Variants in CPNE4 observed in about 807,000 individuals in gnomAD.
CPNE4 encodes the protein copine 4, also known as copine-4.
In CPNE4, 25 loss-of-function variants were observed where a neutral mutation model predicts 67.9. That is an observed-to-expected ratio of 0.37 (90% CI 0.27 to 0.51). The LOEUF (loss-of-function observed/expected upper bound fraction) is 0.51, where lower values mean the gene tolerates loss of function less well. CPNE4 is among the 20% of genes least tolerant of loss of function. CPNE4 has a pLI of 0.93. For missense variants in CPNE4, 464 were observed against 690.8 expected (o/e 0.67, Z 3.68); for synonymous variants, 242 against 244.9 (o/e 0.99, Z 0.11).
At chr3:131,836,408 C>G (rs2085558607) in intron 2 of CPNE4, among the ~76,000 whole-genome samples, 1 of 152,108 alleles carries the variant, frequency 6.6e-6, no homozygotes, top group South Asian at 2.1e-4. Context: ...ATTTAACACC[C>G]ATTTGTGCTA....
intron 2 of CPNE4, among the ~76,000 whole-genome samples, chr3:131,783,866 G>A (rs1268785113): frequency 6.6e-6 from 1 of 151,750 alleles, no homozygotes; most frequent in Non-Finnish European, 1.5e-5. Context: ...CAAGAGAGCT[G>A]AGTCCAGTGA....
intron 1 of CPNE4, among the ~76,000 whole-genome samples, chr3:131,960,650 C>T (rs2072139838): frequency 6.6e-6 from 1 of 152,174 alleles, no homozygotes; most frequent in Non-Finnish European, 1.5e-5. Context: ...GTCCTGCATG[C>T]TGATGAAACT....
chr3:131,966,666 A>C (rs2072358028), intron 1 of CPNE4, among the ~76,000 whole-genome samples: 1 of 152,162 alleles, frequency 6.6e-6, no homozygotes, highest in Non-Finnish European at 1.5e-5. Context: ...CCCAAGACTA[A>C]ACCAGGAAGA....
At chr3:131,752,062 G>C (rs1364171558) in intron 2 of CPNE4, among the ~76,000 whole-genome samples, 1 of 152,130 alleles carries the variant, frequency 6.6e-6, no homozygotes, top group Admixed American at 6.6e-5. Context: ...CGTGGGGGAA[G>C]GATGCCTTGT....
At chr3:131,938,492 C>T (rs1431765060) in intron 1 of CPNE4, among the ~76,000 whole-genome samples, 3 of 152,048 alleles carry the variant, frequency 2.0e-5, no homozygotes, top group Admixed American at 2.0e-4. Context: ...TATAAAGATA[C>T]TACCTGAGAC....
intron 2 of CPNE4, among the ~76,000 whole-genome samples, chr3:131,848,992 A>T (rs1234368805): frequency 6.8e-6 from 1 of 147,642 alleles, no homozygotes; most frequent in Non-Finnish European, 1.5e-5. Context: ...ACACAGAGAT[A>T]TCATCCACCT....
chr3:131,986,843 C>CAAAAAAAAAA (rs373656375), intron 1 of CPNE4, among the ~76,000 whole-genome samples: 1 of 92,104 alleles, frequency 1.1e-5, no homozygotes, highest in Non-Finnish European at 2.3e-5. Flanking sequence ...AAAAAAAAAA[C>CAAAAAAAAAA]AAAAAAAAAC....
chr3:132,037,697 C>G, upstream of CPNE4: 2 of 1,159,960 alleles, frequency 1.7e-6, no homozygotes, highest in South Asian at 2.6e-5. Flanking sequence ...TGGGTAGATT[C>G]ACTCGCCGGG....
At chr3:131,658,858 A>T (rs2080048536) in intron 7 of CPNE4, among the ~76,000 whole-genome samples, 1 of 152,276 alleles carries the variant, frequency 6.6e-6, no homozygotes, top group East Asian at 1.9e-4. Context: ...AAAGCCCAGG[A>T]TGGCTGCGGA....
chr3:132,023,850 C>T (rs2074058509), intron 1 of CPNE4, among the ~76,000 whole-genome samples: 1 of 152,050 alleles, frequency 6.6e-6, no homozygotes, highest in African/African-American at 2.4e-5. Flanking sequence ...TTAAAAGAAG[C>T]CCTTGGGTTT....
At chr3:131,917,097 G>A (rs1489139903) in intron 1 of CPNE4, among the ~76,000 whole-genome samples, 2 of 152,186 alleles carry the variant, frequency 1.3e-5, no homozygotes, top group Admixed American at 1.3e-4. Flanking sequence ...CACTAGCAAT[G>A]TCTGCAATCC....
chr3:131,909,721 G>GT, intron 1 of CPNE4, among the ~76,000 whole-genome samples: 1 of 152,204 alleles, frequency 6.6e-6, no homozygotes, highest in South Asian at 2.1e-4. Flanking sequence ...TGTGTCAATA[G>GT]TTGCCCAAGA....
chr3:131,724,497 C>G (rs549912407), intron 2 of CPNE4, among the ~76,000 whole-genome samples: 1 of 152,158 alleles, frequency 6.6e-6, no homozygotes, highest in South Asian at 2.1e-4. Context: ...AGACTGATGT[C>G]TATGGATTGA....
At chr3:131,873,744 A>G (rs1849508) in intron 2 of CPNE4, among the ~76,000 whole-genome samples, 54,056 of 152,014 alleles carry the variant, frequency 0.36, 10,848 homozygotes, top group African/African-American at 0.54. Flanking sequence ...AATGGACCTT[A>G]TCACTCTCAC....
chr3:131,546,522 T>C (rs1485223910), intron 14 of CPNE4, among the ~76,000 whole-genome samples: 1 of 152,156 alleles, frequency 6.6e-6, no homozygotes, highest in Non-Finnish European at 1.5e-5. Flanking sequence ...CCACAGACTT[T>C]TCAAAGAACA....
chr3:131,765,908 A>G (rs566812122), intron 2 of CPNE4, among the ~76,000 whole-genome samples: 2 of 152,234 alleles, frequency 1.3e-5, no homozygotes, highest in South Asian at 2.1e-4. Context: ...AAGAAAGACA[A>G]TGGACATCCT....
At chr3:131,625,115 G>A (rs538067164) in intron 7 of CPNE4, among the ~76,000 whole-genome samples, 1 of 152,142 alleles carries the variant, frequency 6.6e-6, no homozygotes, top group South Asian at 2.1e-4. Context: ...CACCTTGCCA[G>A]GGTCTCATAT....
chr3:131,615,929 GCACACACA>G (rs55641783), intron 7 of CPNE4, among the ~76,000 whole-genome samples: 2 of 78,060 alleles, frequency 2.6e-5, no homozygotes, highest in East Asian at 3.8e-4. Context: ...ACACACACAC[GCACACACA>G]CACACACACA....
At chr3:131,751,170 T>C (rs2082615411) in intron 2 of CPNE4, among the ~76,000 whole-genome samples, 1 of 152,182 alleles carries the variant, frequency 6.6e-6, no homozygotes, top group Non-Finnish European at 1.5e-5. Flanking sequence ...CTCATCTTGT[T>C]GAAGCTGTAG....
Sources: allele counts gnomAD v4.1 joint callset (sites outside exome capture counted in the v4.1 genomes callset), GRCh38; gene constraint gnomAD v4.1.1; transcripts MANE v1.5; gene names NCBI Gene and HGNC (gene_info 2026-07-23, HGNC 2026-07-21).